NBAS: variants seen among roughly 807,000 people sequenced by gnomAD.
The protein encoded by NBAS is NAG/BC035112 fusion.
A neutral mutation model predicts 302.5 loss-of-function variants in NBAS; 219 were observed. The ratio of observed to expected loss-of-function variants is 0.72; its 90% CI spans 0.65 to 0.81. The LOEUF is 0.81. Among genes scored for constraint, NBAS ranks in the 30% least tolerant of loss-of-function variants. NBAS has a pLI of 0.00. For synonymous variants in NBAS, 1,118 were observed against 1,021.6 expected (o/e 1.09, Z -1.80); for missense variants, 2,932 against 2,841.6 (o/e 1.03, Z -0.72).
At chr2:15,015,937 G>C in the NBAS span, among the ~76,000 whole-genome samples, 2 of 151,856 alleles carry the variant, frequency 1.3e-5, no homozygotes, top group South Asian at 4.2e-4. Context: ...AAAGTTGCAG[G>C]ATACAAAATC....
At chr2:15,263,144 T>C (rs1668925612) in intron 44 of NBAS, among the ~76,000 whole-genome samples, 1 of 152,172 alleles carries the variant, frequency 6.6e-6, no homozygotes, top group Non-Finnish European at 1.5e-5. Context: ...TGGTGAGATA[T>C]ATGTATCTTT....
chr2:15,470,750 T>C (rs1372044144), intron 16 of NBAS, among the ~76,000 whole-genome samples: 1 of 152,122 alleles, frequency 6.6e-6, no homozygotes, highest in Admixed American at 6.6e-5. Flanking sequence ...ATCTGAAATC[T>C]ACTTATACGG....
chr2:14,867,378 C>G, the NBAS span, among the ~76,000 whole-genome samples: 1 of 152,136 alleles, frequency 6.6e-6, no homozygotes, highest in Non-Finnish European at 1.5e-5. Context: ...CAAGGAAGCA[C>G]AGAGTCAGCC....
intron 3 of NBAS, among the ~76,000 whole-genome samples, 195 bp from the exon 4 acceptor site, chr2:15,554,333 C>CA (rs770219328): frequency 1.3e-5 from 2 of 151,598 alleles, no homozygotes; most frequent in Non-Finnish European, 2.9e-5. Context: ...TCTCTATTTC[C>CA]AAAAAACACA....
intron 48 of NBAS, among the ~76,000 whole-genome samples, chr2:15,217,896 TA>T (rs1666723718): frequency 6.6e-6 from 1 of 152,196 alleles, no homozygotes; most frequent in African/African-American, 2.4e-5. Context: ...TTAATAACGA[TA>T]ATAATTATAA....
the NBAS span, among the ~76,000 whole-genome samples, chr2:15,144,204 C>T: frequency 6.6e-6 from 1 of 151,842 alleles, no homozygotes; most frequent in Admixed American, 6.6e-5. Context: ...CAAAAGACAA[C>T]ATGCATTCCA....
the NBAS span, among the ~76,000 whole-genome samples, chr2:15,095,109 T>C: frequency 1.1e-4 from 16 of 152,264 alleles, no homozygotes; most frequent in African/African-American, 3.1e-4. Flanking sequence ...CCATAAAACA[T>C]GCATAGGAGG....
chr2:15,466,054 T>A (rs1679709398), intron 19 of NBAS, among the ~76,000 whole-genome samples: 2 of 152,078 alleles, frequency 1.3e-5, no homozygotes, highest in Admixed American at 1.3e-4. Flanking sequence ...CTACTAAGAG[T>A]GTTTTGTAAC....
At chr2:15,269,171 C>T (rs1669206101) in intron 44 of NBAS, among the ~76,000 whole-genome samples, 1 of 152,080 alleles carries the variant, frequency 6.6e-6, no homozygotes, top group Non-Finnish European at 1.5e-5. Context: ...CTGAGAGGAA[C>T]ACGGGGCTTC....
the NBAS span, among the ~76,000 whole-genome samples, chr2:15,089,002 A>G: frequency 6.6e-6 from 1 of 152,184 alleles, no homozygotes; most frequent in Non-Finnish European, 1.5e-5. Context: ...CCATCCCTGC[A>G]GCCTCCTGGC....
At chr2:15,558,307 G>A (rs1664737824) in intron 2 of NBAS, among the ~76,000 whole-genome samples, 1 of 152,120 alleles carries the variant, frequency 6.6e-6, no homozygotes, top group Non-Finnish European at 1.5e-5. Flanking sequence ...ACCAGTCCAT[G>A]GCCCAGGAAT....
intron 48 of NBAS, among the ~76,000 whole-genome samples, chr2:15,210,618 T>C (rs1484905590): frequency 2.0e-5 from 3 of 152,306 alleles, no homozygotes; most frequent in South Asian, 4.1e-4. Context: ...ATCTCTTTGT[T>C]GGGTATATAC....
chr2:15,543,659 C>CCCGATAAAA (rs1663962391), intron 6 of NBAS, among the ~76,000 whole-genome samples: 1 of 152,122 alleles, frequency 6.6e-6, no homozygotes, highest in Admixed American at 6.5e-5. Context: ...AGCAGAAACC[C>CCCGATAAAA]CCGATAAAAC....
chr2:14,903,438 T>C, the NBAS span, among the ~76,000 whole-genome samples: 1 of 152,274 alleles, frequency 6.6e-6, no homozygotes, highest in African/African-American at 2.4e-5. Context: ...CAGCCTTGTG[T>C]GTTCAGAAGA....
At chr2:15,323,763 A>T (rs1223016540) in intron 38 of NBAS, among the ~76,000 whole-genome samples, 1 of 151,972 alleles carries the variant, frequency 6.6e-6, no homozygotes, top group Non-Finnish European at 1.5e-5. Flanking sequence ...TGTGCACAGG[A>T]GGTTGAGATT....
chr2:15,407,340 C>A (rs755933559), intron 25 of NBAS, among the ~76,000 whole-genome samples: 50 of 152,156 alleles, frequency 3.3e-4, no homozygotes, highest in Non-Finnish European at 5.1e-4. Flanking sequence ...GCAAACATAT[C>A]TTGCTGGGAC....
chr2:15,278,711 A>G (rs1669697651), intron 42 of NBAS, among the ~76,000 whole-genome samples: 1 of 152,222 alleles, frequency 6.6e-6, no homozygotes, highest in South Asian at 2.1e-4. Context: ...AGTTACAAAT[A>G]CTTACAGTTA....
the NBAS span, among the ~76,000 whole-genome samples, chr2:14,800,659 T>C: frequency 1.3e-5 from 2 of 152,246 alleles, no homozygotes; most frequent in African/African-American, 4.8e-5. Context: ...TTTATAAACC[T>C]TAAAGACTTA....
intron 33 of NBAS, 118 bp downstream of exon 33, chr2:15,356,182 TATC>T (rs949866188): frequency 3.8e-6 from 3 of 782,182 alleles, no homozygotes; most frequent in Admixed American, 3.8e-5. Context: ...TCATAAAATG[TATC>T]TCAAGCCTCA....
Sources: allele counts gnomAD v4.1 joint callset (sites outside exome capture counted in the v4.1 genomes callset), GRCh38; gene constraint gnomAD v4.1.1; transcripts MANE v1.5; gene names NCBI Gene and HGNC (gene_info 2026-07-23, HGNC 2026-07-21).